The following ARB2A variants were observed in gnomAD, a reference collection of about 807,000 sequenced individuals.
ARB2A encodes the protein cotranscriptional regulator ARB2A.
chr5:93,650,037 A>G, the ARB2A span, among the ~76,000 whole-genome samples: 1 of 152,200 alleles, frequency 6.6e-6, no homozygotes, highest in East Asian at 1.9e-4. Flanking sequence ...TATGCAAAGA[A>G]AAAAGAAAGG....
chr5:94,013,173 G>GTT, the ARB2A span, among the ~76,000 whole-genome samples: 89 of 112,480 alleles, frequency 7.9e-4, no homozygotes, highest in East Asian at 1.5e-3. Context: ...TCAGTAAGTT[G>GTT]TTTTTTTTTT....
At chr5:93,683,171 T>A in the ARB2A span, 1 of 1,299,350 alleles carries the variant, frequency 7.7e-7, no homozygotes, top group Admixed American at 1.7e-5. Context: ...AGCTTCCTCA[T>A]CATCAAAATC....
chr5:93,926,353 G>A, the ARB2A span, among the ~76,000 whole-genome samples: 31 of 151,898 alleles, frequency 2.0e-4, no homozygotes, highest in South Asian at 2.1e-4. Context: ...GGCTGGTCTC[G>A]AACTCCTGAC....
At chr5:94,101,780 G>A in the ARB2A span, among the ~76,000 whole-genome samples, 1 of 152,134 alleles carries the variant, frequency 6.6e-6, no homozygotes, top group East Asian at 1.9e-4. Context: ...AACAGACACT[G>A]GGGTCTACTT....
At chr5:93,620,747 T>A in the ARB2A span, 2 of 413,414 alleles carry the variant, frequency 4.8e-6, no homozygotes, top group African/African-American at 4.1e-5. Flanking sequence ...ATGTGAGCGC[T>A]GACTGGCAGC....
chr5:94,003,776 C>T, the ARB2A span, among the ~76,000 whole-genome samples: 2,040 of 152,154 alleles, frequency 0.013, 22 homozygotes, highest in Non-Finnish European at 0.018. Flanking sequence ...TGTCAATTCT[C>T]TGTAAATGGG....
the ARB2A span, among the ~76,000 whole-genome samples, chr5:94,011,936 CAAAAAAAAA>C: frequency 1.3e-3 from 40 of 30,202 alleles, 1 homozygote; most frequent in Middle Eastern, 0.036. Flanking sequence ...AAAGGGTAGA[CAAAAAAAAA>C]AAAAAAAAAA....
At chr5:93,678,502 T>A in the ARB2A span, among the ~76,000 whole-genome samples, 7 of 152,184 alleles carry the variant, frequency 4.6e-5, no homozygotes, top group Admixed American at 3.3e-4. Context: ...ACGCCTGTAA[T>A]CCCAGCACTC....
the ARB2A span, among the ~76,000 whole-genome samples, chr5:93,941,465 T>C: frequency 6.6e-6 from 1 of 152,168 alleles, no homozygotes; most frequent in Non-Finnish European, 1.5e-5. Context: ...AACAAGATTT[T>C]TATGTTCGCC....
the ARB2A span, among the ~76,000 whole-genome samples, chr5:93,918,137 C>A: frequency 1.3e-5 from 2 of 152,208 alleles, no homozygotes; most frequent in East Asian, 3.9e-4. Context: ...TTTTAAATAC[C>A]TGTTTTCTCA....
chr5:93,983,336 T>C, the ARB2A span, among the ~76,000 whole-genome samples: 1 of 152,040 alleles, frequency 6.6e-6, no homozygotes, highest in Non-Finnish European at 1.5e-5. Flanking sequence ...GTATTTTTTG[T>C]ACCAAAAATT....
the ARB2A span, among the ~76,000 whole-genome samples, chr5:93,899,286 C>A: frequency 6.6e-6 from 1 of 152,082 alleles, no homozygotes. Context: ...TGTCACATTG[C>A]TAAAATGACA....
At chr5:93,702,471 T>C in the ARB2A span, among the ~76,000 whole-genome samples, 1 of 152,200 alleles carries the variant, frequency 6.6e-6, no homozygotes, top group Admixed American at 6.5e-5. Flanking sequence ...CTACCTAGTA[T>C]CTATTTTCTC....
the ARB2A span, among the ~76,000 whole-genome samples, chr5:93,760,732 AC>A: frequency 6.6e-6 from 1 of 152,230 alleles, no homozygotes; most frequent in Non-Finnish European, 1.5e-5. Context: ...CTCATCTGTC[AC>A]CTTATACAAA....
the ARB2A span, among the ~76,000 whole-genome samples, chr5:93,839,717 T>G: frequency 6.6e-6 from 1 of 152,096 alleles, no homozygotes; most frequent in East Asian, 1.9e-4. Context: ...ATTATTGGTC[T>G]GTTCGAGGAT....
At chr5:93,725,295 A>T in the ARB2A span, among the ~76,000 whole-genome samples, 4 of 152,066 alleles carry the variant, frequency 2.6e-5, no homozygotes, top group Non-Finnish European at 4.4e-5. Flanking sequence ...TAGCTGGTAT[A>T]GTGATTTTAG....
At chr5:93,960,449 A>G in the ARB2A span, among the ~76,000 whole-genome samples, 1 of 152,120 alleles carries the variant, frequency 6.6e-6, no homozygotes, top group Non-Finnish European at 1.5e-5. Context: ...ACATTTTTGC[A>G]AATGTGTTTA....
the ARB2A span, among the ~76,000 whole-genome samples, chr5:93,816,394 T>C: frequency 8.5e-5 from 13 of 152,158 alleles, no homozygotes; most frequent in Non-Finnish European, 1.6e-4. Context: ...ATAATACCAA[T>C]GGAAAAAAGA....
the ARB2A span, among the ~76,000 whole-genome samples, chr5:93,767,566 C>T: frequency 4.4e-4 from 67 of 152,252 alleles, no homozygotes; most frequent in South Asian, 5.6e-3. Context: ...GAAAAAGATA[C>T]TTGCACACAC....
Sources: gnomAD v4.1 joint callset for allele counts (sites outside exome capture counted in the v4.1 genomes callset) on GRCh38, gnomAD v4.1.1 for gene constraint, MANE v1.5 for transcripts, NCBI Gene and HGNC (gene_info 2026-07-23, HGNC 2026-07-21) for gene names.